Variants in HS6ST3 observed in about 807,000 individuals in gnomAD.
HS6ST3 encodes the protein heparan sulfate 6-O-sulfotransferase 3.
HS6ST3 carries 12 observed loss-of-function variants against 36.7 expected under a neutral mutation model. The ratio of observed to expected loss-of-function variants is 0.33; its 90% confidence interval spans 0.21 to 0.53. The LOEUF is 0.53. Among genes scored for constraint, HS6ST3 ranks in the 20% least tolerant of loss-of-function variants. HS6ST3 has a pLI of 0.95. For missense variants in HS6ST3, 584 were observed against 640.9 expected (o/e 0.91, Z 0.96); for synonymous variants, 240 against 257.5 (o/e 0.93, Z 0.65).
At chr13:96,433,428 C>T (rs143424561) in intron 1 of HS6ST3, among the ~76,000 whole-genome samples, 110 of 152,258 alleles carry the variant, frequency 7.2e-4, no homozygotes, top group African/African-American at 2.5e-3. Context: ...ATAATTGAAT[C>T]CTGGGGTTGG....
At chr13:96,677,439 A>G (rs2138435250) in intron 1 of HS6ST3, among the ~76,000 whole-genome samples, 1 of 152,192 alleles carries the variant, frequency 6.6e-6, no homozygotes, top group African/African-American at 2.4e-5. Flanking sequence ...TACAATGGTC[A>G]TGTGTATTTC....
chr13:96,793,670 G>A (rs1042800027), intron 1 of HS6ST3, among the ~76,000 whole-genome samples: 5 of 152,052 alleles, frequency 3.3e-5, no homozygotes, highest in African/African-American at 4.8e-5. Flanking sequence ...CTTTCTGGTC[G>A]GAGGACTGCA....
chr13:96,709,945 A>G (rs1027040591), intron 1 of HS6ST3, among the ~76,000 whole-genome samples: 2 of 152,236 alleles, frequency 1.3e-5, no homozygotes, highest in African/African-American at 4.8e-5. Context: ...GAAGATGTAA[A>G]GAAACCCATG....
intron 1 of HS6ST3, among the ~76,000 whole-genome samples, chr13:96,410,447 A>C (rs2055501666): frequency 6.6e-6 from 1 of 152,192 alleles, no homozygotes; most frequent in Non-Finnish European, 1.5e-5. Context: ...GATATCTTAT[A>C]TTATCTATCA....
intron 1 of HS6ST3, among the ~76,000 whole-genome samples, chr13:96,762,169 G>A (rs1056943885): frequency 2.0e-5 from 3 of 152,102 alleles, no homozygotes; most frequent in Non-Finnish European, 4.4e-5. Flanking sequence ...CAAAGTTGGG[G>A]AGTTCTTTAA....
chr13:96,162,008 TG>T (rs2054137880), intron 1 of HS6ST3, among the ~76,000 whole-genome samples: 1 of 152,084 alleles, frequency 6.6e-6, no homozygotes, highest in South Asian at 2.1e-4. Context: ...AAAATAAGAA[TG>T]GACATTTATG....
rs143006609 is a variant in HS6ST3 at position 96,617,500 on chromosome 13, A to ATGTT, written c.708-214989_708-214986dup. Among the ~76,000 whole-genome samples the ATGTT allele has an allele frequency of 5.7e-3, 862 of 152,280 alleles. 5 individuals are homozygous for ATGTT. Among genetic ancestry groups the ATGTT allele is most frequent in the African/African-American group, 0.02 (814 of 41,542 alleles). ...GTACTTCCATCATAATCTTTCACTA[A>ATGTT]TGTTCCTTCCTCAGCATCTTTTGGA... On this transcript the variant is annotated intron_variant, in intron 1 of 1. Transcript: ENST00000376705.
intron 1 of HS6ST3, among the ~76,000 whole-genome samples, chr13:96,376,677 A>G (rs1243506948): frequency 6.6e-6 from 1 of 152,150 alleles, no homozygotes; most frequent in East Asian, 1.9e-4. Context: ...GAAGCTTCTC[A>G]TCTATAAAAT....
intron 1 of HS6ST3, among the ~76,000 whole-genome samples, chr13:96,410,574 G>GA (rs1241678210): frequency 6.6e-6 from 1 of 151,714 alleles, no homozygotes; most frequent in Non-Finnish European, 1.5e-5. Context: ...GTGAAACATT[G>GA]AAAAAAAGTA....
At chr13:96,431,666 T>C (rs1594778808) in intron 1 of HS6ST3, among the ~76,000 whole-genome samples, 1 of 152,336 alleles carries the variant, frequency 6.6e-6, no homozygotes, top group Admixed American at 6.5e-5. Flanking sequence ...CTTTATGCTC[T>C]TGGGCTCTGC....
At chr13:96,534,683 G>A (rs552496330) in intron 1 of HS6ST3, among the ~76,000 whole-genome samples, 27 of 152,344 alleles carry the variant, frequency 1.8e-4, no homozygotes, top group African/African-American at 6.5e-4. Context: ...AAGAGGCCGG[G>A]CACGGTGGCA....
intron 1 of HS6ST3, among the ~76,000 whole-genome samples, chr13:96,682,149 G>C (rs1370627404): frequency 6.6e-6 from 1 of 152,020 alleles, no homozygotes; most frequent in Non-Finnish European, 1.5e-5. Flanking sequence ...CTAGTACTCA[G>C]GTCTCAGTCT....
intron 1 of HS6ST3, among the ~76,000 whole-genome samples, chr13:96,780,028 G>C (rs997132405): frequency 2.0e-5 from 3 of 152,174 alleles, no homozygotes; most frequent in Non-Finnish European, 4.4e-5. Flanking sequence ...AGAAAGCAGA[G>C]TGAGCAGAGG....
chr13:96,606,929 TA>T (rs2056441273), intron 1 of HS6ST3, among the ~76,000 whole-genome samples: 1 of 150,974 alleles, frequency 6.6e-6, no homozygotes, highest in East Asian at 2.0e-4. Flanking sequence ...AACAAAGCAA[TA>T]AAAAAGATTC....
intron 1 of HS6ST3, among the ~76,000 whole-genome samples, chr13:96,421,471 A>T (rs1379865019): frequency 6.6e-6 from 1 of 152,208 alleles, no homozygotes. Context: ...CTTTCATTTT[A>T]CTCAAGGTAA....
chr13:96,487,819 C>T (rs1337386793), intron 1 of HS6ST3, among the ~76,000 whole-genome samples: 6 of 152,048 alleles, frequency 3.9e-5, no homozygotes, highest in Non-Finnish European at 8.8e-5. Context: ...CTTAAGGGTT[C>T]CTGCAACTGA....
chr13:96,452,373 G>T (rs2055732639), intron 1 of HS6ST3, among the ~76,000 whole-genome samples: 3 of 152,122 alleles, frequency 2.0e-5, no homozygotes. Context: ...AAATTACAAA[G>T]TTCTCCTTTT....
intron 1 of HS6ST3, among the ~76,000 whole-genome samples, chr13:96,313,526 G>A (rs1594750426): frequency 6.6e-6 from 1 of 151,854 alleles, no homozygotes; most frequent in Non-Finnish European, 1.5e-5. Context: ...TCTCATTTAC[G>A]TATCTTAGGT....
chr13:96,472,401 A>G (rs897447220), intron 1 of HS6ST3, among the ~76,000 whole-genome samples: 7 of 152,166 alleles, frequency 4.6e-5, no homozygotes, highest in Non-Finnish European at 8.8e-5. Context: ...TGAGCATAGC[A>G]TATCTTGCAT....
Sources: allele counts gnomAD v4.1 joint callset (sites outside exome capture counted in the v4.1 genomes callset), GRCh38; gene constraint gnomAD v4.1.1; transcripts MANE v1.5; gene names NCBI Gene and HGNC (gene_info 2026-07-23, HGNC 2026-07-21).